The following RNGTT variants were observed in gnomAD, a reference collection of about 807,000 sequenced individuals.
The protein encoded by RNGTT is RNA guanylyltransferase and 5'-phosphatase.
RNGTT carries 33 observed loss-of-function variants against 79.3 expected under a neutral mutation model. The ratio of observed to expected loss-of-function variants is 0.42; its 90% CI spans 0.32 to 0.56. The LOEUF is 0.56. Ranked by LOEUF, RNGTT falls within the 20% of genes least tolerant of loss-of-function variation. RNGTT has a pLI of 0.17. For synonymous variants in RNGTT, 222 were observed against 235.9 expected, an observed-to-expected ratio of 0.94 and a Z score of 0.54; for missense variants, 497 against 739.1, an observed-to-expected ratio of 0.67 and a Z score of 3.80.
intron 11 of RNGTT, among the ~76,000 whole-genome samples, chr6:88,808,836 A>G (rs1780044665): frequency 6.6e-6 from 1 of 152,178 alleles, no homozygotes; most frequent in Non-Finnish European, 1.5e-5. Flanking sequence ...ATGCACCTAT[A>G]GTCCCAGCTA....
chr6:88,612,564 A>C lies in RNGTT; in HGVS notation c.*155T>G. 1.3e-6 allele frequency: 1 copy of C among 757,422 alleles called. No individual in the cohort carries two copies. Among genetic ancestry groups the C allele is most frequent in the South Asian group, 1.8e-5 (1 of 55,410 alleles). 46.9% of individuals were successfully genotyped at this position (757,422 alleles called of 1,614,324 possible). On this transcript the variant is annotated 3_prime_UTR_variant, in exon 16 of 16. Coordinates refer to ENST00000369485, the MANE Select transcript of RNGTT (RefSeq NM_003800.5). ...GGAAACGAATGCATCAAGTATTTAC[A>C]GGCTGGCTACGATAACTTTCTTTTT...
intron 12 of RNGTT, among the ~76,000 whole-genome samples, chr6:88,778,621 G>C (rs1778966761): frequency 6.6e-6 from 1 of 152,148 alleles, no homozygotes; most frequent in Non-Finnish European, 1.5e-5. Flanking sequence ...CTCCTGAGTA[G>C]CTGAGACGAA....
chr6:88,931,349 G>A (rs1784508983), intron 2 of RNGTT, among the ~76,000 whole-genome samples: 2 of 152,038 alleles, frequency 1.3e-5, no homozygotes, highest in Non-Finnish European at 2.9e-5. Context: ...ATTTTTAGTT[G>A]CTTACATACA....
chr6:88,780,046 A>G (rs561259597), intron 12 of RNGTT, among the ~76,000 whole-genome samples: 1 of 152,332 alleles, frequency 6.6e-6, no homozygotes, highest in African/African-American at 2.4e-5. Flanking sequence ...AGAATACTGT[A>G]GCTCCCAGTT....
chr6:88,620,413 GAT>G (rs150505719), intron 14 of RNGTT, among the ~76,000 whole-genome samples: 4,576 of 152,230 alleles, frequency 0.03, 232 homozygotes, highest in African/African-American at 0.1. Context: ...TAACTGGACA[GAT>G]ATAAACAAAA....
At chr6:88,922,936 G>A (rs1784209421) in intron 4 of RNGTT, among the ~76,000 whole-genome samples, 3 of 152,196 alleles carry the variant, frequency 2.0e-5, no homozygotes, top group Admixed American at 2.0e-4. Context: ...TCTATGAAAT[G>A]TTCCACATTC....
chr6:88,777,680 T>A (rs963612696), intron 12 of RNGTT, among the ~76,000 whole-genome samples: 2 of 152,192 alleles, frequency 1.3e-5, no homozygotes, highest in African/African-American at 4.8e-5. Flanking sequence ...CTTTATTGAA[T>A]TAACAGGTTT....
At chr6:88,838,120 T>C (rs1373987075) in intron 11 of RNGTT, among the ~76,000 whole-genome samples, 1 of 152,170 alleles carries the variant, frequency 6.6e-6, no homozygotes, top group Non-Finnish European at 1.5e-5. Context: ...CCTAACCATG[T>C]ATAAAAGGCA....
intron 13 of RNGTT, among the ~76,000 whole-genome samples, chr6:88,682,614 C>T (rs746893377): frequency 2.6e-5 from 4 of 151,842 alleles, no homozygotes; most frequent in Admixed American, 6.6e-5. Context: ...TTTTAAGTTC[C>T]GGGGTACGTG....
intron 2 of RNGTT, among the ~76,000 whole-genome samples, chr6:88,936,492 T>C (rs1562056269): frequency 6.6e-6 from 1 of 152,240 alleles, no homozygotes; most frequent in Admixed American, 6.5e-5. Flanking sequence ...CCCCAATTAG[T>C]ATGACGTTAG....
At chr6:88,923,312 A>T (rs1277778537) in intron 4 of RNGTT, among the ~76,000 whole-genome samples, 1 of 152,128 alleles carries the variant, frequency 6.6e-6, no homozygotes, top group African/African-American at 2.4e-5. Flanking sequence ...CTTTCACATA[A>T]CTCTTTATGT....
intron 11 of RNGTT, among the ~76,000 whole-genome samples, chr6:88,805,231 A>C (rs1195012868): frequency 6.6e-6 from 1 of 152,206 alleles, no homozygotes; most frequent in Non-Finnish European, 1.5e-5. Context: ...GAGAAAAGGA[A>C]GAGGAAGTGG....
chr6:88,922,501 G>T (rs1784193677), intron 4 of RNGTT, among the ~76,000 whole-genome samples: 1 of 151,718 alleles, frequency 6.6e-6, no homozygotes, highest in South Asian at 2.1e-4. Flanking sequence ...AACCTAGTTT[G>T]TTTTTAGATT....
intron 13 of RNGTT, among the ~76,000 whole-genome samples, chr6:88,763,282 T>C (rs1352783527): frequency 2.0e-5 from 3 of 151,954 alleles, no homozygotes; most frequent in Non-Finnish European, 4.4e-5. Flanking sequence ...CATGTGTCAG[T>C]TGATAAATAT....
intron 11 of RNGTT, among the ~76,000 whole-genome samples, chr6:88,811,277 T>TTATATA (rs1780128280): frequency 6.6e-6 from 1 of 152,200 alleles, no homozygotes; most frequent in African/African-American, 2.4e-5. Flanking sequence ...ACAGTAGACA[T>TTATATA]TATATATCAA....
In RNGTT at chr6:88,844,527, TTAAA is replaced by T; in HGVS notation, c.1105-10_1105-7del. The T allele has an allele frequency of 6.3e-7, 1 of 1,593,878 alleles. No individual in the cohort carries two copies. The highest frequency in any genetic ancestry group is 8.5e-7 in the Non-Finnish European group (1 of 1,173,850). On this transcript the variant is annotated splice_polypyrimidine_tract_variant and splice_region_variant and intron_variant, in intron 10 of 15. Transcript: ENST00000369485. The stretch of plus-strand genomic sequence containing the variant: ...CAATCTCCAACGGGCTGTGACTGAA[TTAAA>T]TAAAGAATTAGTTAAATTTCAACAC...
At chr6:88,828,513 C>CA (rs1311753981) in intron 11 of RNGTT, among the ~76,000 whole-genome samples, 1 of 152,024 alleles carries the variant, frequency 6.6e-6, no homozygotes, top group Non-Finnish European at 1.5e-5. Flanking sequence ...TCCTCATCAG[C>CA]AAGGGAACAA....
chr6:88,798,294 G>A lies in RNGTT; in HGVS notation c.1338+3270C>T, dbSNP rs1363563933. On this transcript the variant is annotated intron_variant, in intron 12 of 15. Coordinates refer to ENST00000369485, the MANE Select transcript of RNGTT (RefSeq NM_003800.5). ...AGCCTCGGCAACAAGGCAAAACCCC[G>A]TATCTACGAAAAATACAAAAATTAG... Among the ~76,000 whole-genome samples, 39 of 152,004 alleles carry A rather than the reference G, an allele frequency of 2.6e-4. 1 individual carries two copies. The highest frequency in any genetic ancestry group is 6.2e-4 in the South Asian group (3 of 4,822).
chr6:88,849,644 G>A, intron 10 of RNGTT, 111 bp downstream of exon 10: 1 of 944,332 alleles, frequency 1.1e-6, no homozygotes, highest in Non-Finnish European at 1.4e-6. Context: ...TGAGTAACCT[G>A]AGTCACAAAT....
Sources: gnomAD v4.1 joint callset for allele counts (sites outside exome capture counted in the v4.1 genomes callset) on GRCh38, gnomAD v4.1.1 for gene constraint, MANE v1.5 for transcripts, NCBI Gene and HGNC (gene_info 2026-07-23, HGNC 2026-07-21) for gene names.